KLHL2: variants seen among roughly 807,000 people sequenced by gnomAD.
KLHL2 encodes kelch-like protein 2.
KLHL2 carries 15 observed loss-of-function variants against 75.8 expected under a neutral mutation model. The observed-to-expected ratio is 0.20, with a 90% CI of 0.13 to 0.30. KLHL2 has a LOEUF of 0.30. Ranked by LOEUF, KLHL2 falls within the 10% of genes least tolerant of loss-of-function variation. The probability of loss-of-function intolerance (pLI) is 1.00; values close to 1 mark genes in which losing one functional copy is unlikely to be tolerated. For synonymous variants in KLHL2, 214 were observed against 251.9 expected (o/e 0.85, Z 1.42); for missense variants, 381 against 741.0 (o/e 0.51, Z 5.64).
chr4:165,277,693 A>T (rs1743234436), intron 5 of KLHL2: 1 of 527,522 alleles, frequency 1.9e-6, no homozygotes, highest in Non-Finnish European at 3.4e-6. Flanking sequence ...TGTTATGGCA[A>T]TGGAGGGGGT....
Position 165,317,890 on chromosome 4 carries a change from G to A in KLHL2, c.1674G>A (p.Ala558=), listed in dbSNP as rs747190894. 2.5e-5 allele frequency: 40 copies of A among 1,613,632 alleles called. No homozygotes were observed. Among genetic ancestry groups the A allele is most frequent in the Middle Eastern group, 1.6e-4 (1 of 6,084 alleles). The part of the protein sequence containing the change: ...VGGDDGSCNL[A]SVEYYNPTTD... ...GGGATGATGGTTCCTGTAACTTGGC[G>A]TCAGTAGAATATTATAACCCAACAA... Residue 558 remains alanine, a synonymous_variant, in exon 14 of 15, where the codon GCG becomes GCA. Coordinates refer to ENST00000226725, the MANE Select transcript of KLHL2 (RefSeq NM_007246.4).
chr4:165,317,614 C>G (rs1746680905), intron 13 of KLHL2, among the ~76,000 whole-genome samples: 1 of 152,198 alleles, frequency 6.6e-6, no homozygotes, highest in African/African-American at 2.4e-5. Context: ...ATCTGCCCAC[C>G]TTGGCCTTCC....
At chr4:165,293,795 C>T (rs1266928607) in intron 5 of KLHL2, among the ~76,000 whole-genome samples, 3 of 151,584 alleles carry the variant, frequency 2.0e-5, no homozygotes, top group Middle Eastern at 6.4e-3. Flanking sequence ...GGATTATAGG[C>T]ATGAGCCACT....
chr4:165,300,252 T>C (rs1417583977), intron 8 of KLHL2, among the ~76,000 whole-genome samples: 2 of 148,964 alleles, frequency 1.3e-5, no homozygotes, highest in Non-Finnish European at 3.0e-5. Context: ...GAGTGCCCAC[T>C]GCACTCCAGT....
intron 13 of KLHL2, among the ~76,000 whole-genome samples, chr4:165,317,146 T>C (rs919837113): frequency 3.3e-5 from 5 of 151,986 alleles, no homozygotes; most frequent in African/African-American, 1.2e-4. Context: ...ATTAAGAATA[T>C]TTTTACCTTC....
At chr4:165,260,739 A>G (rs1741599815) in intron 4 of KLHL2, among the ~76,000 whole-genome samples, 1 of 152,180 alleles carries the variant, frequency 6.6e-6, no homozygotes, top group Non-Finnish European at 1.5e-5. Context: ...TATGATGGAC[A>G]TTAAAGGCTT....
chr4:165,293,670 A>ATTTTTTT (rs35736944), intron 5 of KLHL2, among the ~76,000 whole-genome samples: 6 of 125,988 alleles, frequency 4.8e-5, no homozygotes, highest in African/African-American at 9.0e-5. Flanking sequence ...TGCCTGGCTA[A>ATTTTTTT]TTTTTTTTTT....
At chr4:165,238,453 A>G (rs1486317964) in intron 3 of KLHL2, among the ~76,000 whole-genome samples, 1 of 152,182 alleles carries the variant, frequency 6.6e-6, no homozygotes, top group Non-Finnish European at 1.5e-5. Flanking sequence ...GGAAATCCAT[A>G]AAGACAACAA....
rs558992091 is a variant in KLHL2, at chr4:165,272,021, G to A, written c.544+8662G>A. On this transcript the variant is annotated intron_variant, in intron 5 of 14. Transcript: ENST00000226725. ...TTGGAGAGTAGTAGTCCTAGAATCCGTATTTCATTTACCAAATAAATAATG... is the reference window on the plus strand; with the variant it reads ...TTGGAGAGTAGTAGTCCTAGAATCCATATTTCATTTACCAAATAAATAATG... Among the ~76,000 whole-genome samples, 392 of 151,986 alleles carry A rather than the reference G, an allele frequency of 2.6e-3. 4 individuals carry two copies. Among genetic ancestry groups the A allele is most frequent in the African/African-American group, 8.4e-3 (349 of 41,472 alleles).
At position 165,310,668 on chromosome 4, in the gene KLHL2, C is replaced by T. The variant is rs1482758183; in HGVS notation, c.1155C>T (p.Asn385=). The T allele has an allele frequency of 6.2e-7, 1 of 1,613,938 alleles. No individual in the cohort carries two copies. Among genetic ancestry groups the T allele is most frequent in the Admixed American group, 1.7e-5 (1 of 60,002 alleles). ...PVKDQWTSVA[N]MRDRRSTLGA... ...AGGACCAGTGGACCAGCGTTGCTAA[C>T]ATGAGAGACCGGAGAAGCACTTTGG... is the stretch of plus-strand genomic sequence containing the variant. Residue 385 remains asparagine (N), a synonymous_variant, in exon 10 of 15, where the codon AAC becomes AAT. Transcript: ENST00000226725.
intron 1 of KLHL2, among the ~76,000 whole-genome samples, chr4:165,217,097 A>G (rs921108839): frequency 2.6e-5 from 4 of 152,168 alleles, no homozygotes; most frequent in Non-Finnish European, 4.4e-5. Context: ...TTTTGCTTCC[A>G]CTTTCAAGCA....
At chr4:165,318,628 T>C (rs1199331751) in intron 14 of KLHL2, among the ~76,000 whole-genome samples, 1 of 152,058 alleles carries the variant, frequency 6.6e-6, no homozygotes, top group Admixed American at 6.6e-5. Context: ...CTATGTACAG[T>C]AGAATTCCAG....
At chr4:165,270,053 C>T (rs1742563945) in intron 5 of KLHL2, among the ~76,000 whole-genome samples, 1 of 152,090 alleles carries the variant, frequency 6.6e-6, no homozygotes, top group Admixed American at 6.6e-5. Context: ...TGTCTTCTTG[C>T]TTTATTTCAT....
At chr4:165,281,547 C>G (rs1305003644) in intron 5 of KLHL2, among the ~76,000 whole-genome samples, 2 of 152,154 alleles carry the variant, frequency 1.3e-5, no homozygotes, top group Admixed American at 1.3e-4. Flanking sequence ...GATCTCCTGA[C>G]CTCGTGATCC....
chr4:165,311,290 G>T (rs984909104), intron 10 of KLHL2, among the ~76,000 whole-genome samples, 174 bp from the exon 11 acceptor site: 4 of 152,124 alleles, frequency 2.6e-5, no homozygotes, highest in Non-Finnish European at 4.4e-5. Context: ...GCTTAGGTAG[G>T]AGCCTTCTGG....
intron 4 of KLHL2, among the ~76,000 whole-genome samples, chr4:165,261,492 C>G (rs1741670350): frequency 6.6e-6 from 1 of 152,118 alleles, no homozygotes; most frequent in Admixed American, 6.5e-5. Context: ...AGGTGTGTGC[C>G]ACTACACCCA....
chr4:165,263,802 A>ATTTTTTT, intron 5 of KLHL2, among the ~76,000 whole-genome samples: 1 of 93,532 alleles, frequency 1.1e-5, no homozygotes, highest in Non-Finnish European at 2.3e-5. Context: ...GATTTTTTAC[A>ATTTTTTT]TTGTTTTTTT....
At chr4:165,295,365 A>C (rs1196025358) in intron 6 of KLHL2, among the ~76,000 whole-genome samples, 1 of 152,242 alleles carries the variant, frequency 6.6e-6, no homozygotes, top group African/African-American at 2.4e-5. Flanking sequence ...AAAATGTGAA[A>C]GCATTTGTGA....
chr4:165,232,878 C>CTTTTT (rs912954260), intron 3 of KLHL2, among the ~76,000 whole-genome samples: 3 of 52,568 alleles, frequency 5.7e-5, no homozygotes, highest in Admixed American at 2.5e-4. Context: ...CCCTGTTAAG[C>CTTTTT]TTTTTTTTTT....
Sources: gnomAD v4.1 joint callset for allele counts (sites outside exome capture counted in the v4.1 genomes callset) on GRCh38, gnomAD v4.1.1 for gene constraint, MANE v1.5 for transcripts, NCBI Gene and HGNC (gene_info 2026-07-23, HGNC 2026-07-21) for gene names.